Variants in POLR1B observed in about 807,000 individuals in gnomAD.
The protein encoded by POLR1B is RNA polymerase I subunit B.
Under a neutral mutation model 105.8 loss-of-function variants are expected in POLR1B, and 30 were observed. The ratio of observed to expected loss-of-function variants is 0.28; its 90% CI spans 0.21 to 0.38. POLR1B has a LOEUF of 0.38. Ranked by LOEUF, POLR1B falls within the 10% of genes least tolerant of loss-of-function variation. The probability of loss-of-function intolerance (pLI) is 1.00; values close to 1 mark genes in which losing one functional copy is unlikely to be tolerated. For missense variants in POLR1B, 976 were observed against 1,435.8 expected (o/e 0.68, Z 5.17); for synonymous variants, 485 against 505.1 (o/e 0.96, Z 0.53).
In POLR1B at chr2:112,549,125, A is replaced by G. The variant is rs1166149271; in HGVS notation, c.493-142A>G. The G allele has an allele frequency of 9.2e-6, 8 of 874,314 alleles. No homozygotes were observed. In the African/African-American group the frequency reaches 1.4e-4, roughly 15 times the overall value. The allele number at this position is 874,314 out of a possible 1,614,324, so 54.2% of individuals were successfully genotyped here. A position where few individuals can be genotyped will look rare whatever the true frequency, so the allele number is the denominator to read the frequency against. On this transcript the variant is annotated intron_variant, in intron 3 of 14. Transcript: ENST00000263331. ...ATTCACACAAAGACAGTGTCTGTGT[A>G]CTGTTTTCAAGGGATCAGTAGTACA...
rs763945906 is a variant in POLR1B at position 112,574,841 on chromosome 2, T to C, written c.2526-6T>C. 8 of 1,600,724 alleles carry C rather than the reference T, an allele frequency of 5.0e-6. No individual in the cohort carries two copies. Among genetic ancestry groups the C allele is most frequent in the Non-Finnish European group, 6.8e-6 (8 of 1,170,356 alleles). On this transcript the variant is annotated splice_polypyrimidine_tract_variant and splice_region_variant and intron_variant, in intron 14 of 14. Transcript: ENST00000263331. ...GGTTGACCTTATATGGTTTACTTTT[T>C]CCTAGGAGTAAAGAAAATTGTGTTG...
rs778027435 is a variant in POLR1B at position 112,573,532 on chromosome 2, C to T, written c.2272-30C>T. 6 of 1,590,056 alleles carry T rather than the reference C, an allele frequency of 3.8e-6. No individual in the cohort carries two copies. In the East Asian group the frequency reaches 6.7e-5, roughly 18 times the overall value. Reference sequence around the variant, plus strand: ...TATTTTGAAAATCCTCAATTGGCCTCAGTCTTTTAACGATTCTTTTACTTC... The same window carrying T: ...TATTTTGAAAATCCTCAATTGGCCTTAGTCTTTTAACGATTCTTTTACTTC... On this transcript the variant is annotated intron_variant, in intron 13 of 14. Coordinates refer to ENST00000263331, the MANE Select transcript of POLR1B (RefSeq NM_019014.6).
In POLR1B at chr2:112,574,319, G is replaced by A. The variant is rs77699625; in HGVS notation, c.2525+504G>A. ...AATAGGCTTTCATAATAATTTTTCA[G>A]TTGCTTTTGTTGCTAGTTTTCTTTC... is the stretch of plus-strand genomic sequence containing the variant. On this transcript the variant is annotated intron_variant, in intron 14 of 14. Transcript: ENST00000263331. Among the ~76,000 whole-genome samples, 382 of 152,174 alleles carry A rather than the reference G, an allele frequency of 2.5e-3. 2 individuals carry two copies. Among genetic ancestry groups the A allele is most frequent in the African/African-American group, 8.8e-3 (366 of 41,520 alleles).
upstream of POLR1B, chr2:112,542,080 T>G (rs1473160383): frequency 1.3e-6 from 2 of 1,533,114 alleles, no homozygotes; most frequent in Non-Finnish European, 8.7e-7. Flanking sequence ...AGCGTGGGAC[T>G]GGGAACAGGT....
intron 10 of POLR1B, among the ~76,000 whole-genome samples, chr2:112,565,411 T>C (rs1035564277): frequency 7.2e-5 from 11 of 152,166 alleles, no homozygotes; most frequent in Admixed American, 2.6e-4. Context: ...TCCATAAAGA[T>C]TTTAGTGTAC....
intron 14 of POLR1B, 21 bp from the exon 15 acceptor site, chr2:112,574,826 A>T (rs373387586): frequency 6.3e-7 from 1 of 1,585,500 alleles, no homozygotes; most frequent in East Asian, 2.2e-5. Flanking sequence ...GGTTGACCTT[A>T]TATGGTTTAC....
chr2:112,563,790 G>A (rs563240383), intron 9 of POLR1B, among the ~76,000 whole-genome samples: 238 of 152,222 alleles, frequency 1.6e-3, no homozygotes, highest in African/African-American at 5.1e-3. Context: ...TCAGCTACTC[G>A]GGAGGCTGAG....
At chr2:112,550,288 C>T (rs933913202) in intron 4 of POLR1B, among the ~76,000 whole-genome samples, 1 of 152,240 alleles carries the variant, frequency 6.6e-6, no homozygotes, top group Non-Finnish European at 1.5e-5. Flanking sequence ...TCTGTTGGAA[C>T]ATTCTCTTTG....
At chr2:112,557,328 A>G (rs1362465099) in intron 7 of POLR1B, among the ~76,000 whole-genome samples, 2 of 152,244 alleles carry the variant, frequency 1.3e-5, no homozygotes, top group African/African-American at 4.8e-5. Flanking sequence ...TTGGAATTGC[A>G]GGCTGCTTTA....
At chr2:112,559,852 G>A (rs1339528309) in intron 9 of POLR1B, among the ~76,000 whole-genome samples, 2 of 151,950 alleles carry the variant, frequency 1.3e-5, no homozygotes, top group Non-Finnish European at 2.9e-5. Context: ...GGATGGTCTC[G>A]ATCTCCTGAC....
chr2:112,546,892 A>T, intron 1 of POLR1B, 120 bp from the exon 2 acceptor site: 1 of 1,088,590 alleles, frequency 9.2e-7, no homozygotes, highest in Non-Finnish European at 1.3e-6. Context: ...TGTCCTTTTT[A>T]GGTGTGTCAT....
intron 4 of POLR1B, 100 bp downstream of exon 4, chr2:112,549,499 C>CTT (rs34591927): frequency 2.2e-3 from 1,243 of 578,042 alleles, no homozygotes; most frequent in Middle Eastern, 3.8e-3. Context: ...ATTTTTGTTT[C>CTT]TTTTTTTTTT....
At chr2:112,567,896 G>A in intron 10 of POLR1B, 71 bp from the exon 11 acceptor site, 2 of 1,315,192 alleles carry the variant, frequency 1.5e-6, no homozygotes, top group South Asian at 2.6e-5. Flanking sequence ...GTATTCCATG[G>A]GGCATAAGAC....
intron 1 of POLR1B, chr2:112,542,929 C>G: frequency 1.7e-6 from 1 of 580,984 alleles, no homozygotes; most frequent in Non-Finnish European, 3.1e-6. Context: ...TTTCGGGGTG[C>G]TGTGAGAGTG....
In POLR1B at chr2:112,576,714, G is replaced by A. The variant is rs1164589745; in HGVS notation, c.*985G>A. ...TAGTCCCTGCTATTTGAGAGGCTGA[G>A]GTGGGAGGATCATTTGAGTGCAGGA... On this transcript the variant is annotated 3_prime_UTR_variant, in exon 15 of 15. Transcript: ENST00000263331. 1.3e-5 allele frequency: 2 copies of A among 152,204 alleles called. No individual in the cohort carries two copies. Among genetic ancestry groups the A allele is most frequent in the East Asian group, 1.9e-4 (1 of 5,200 alleles). 9.4% of individuals were successfully genotyped at this position (152,204 alleles called of 1,614,324 possible).
intron 10 of POLR1B, among the ~76,000 whole-genome samples, chr2:112,565,918 G>C (rs1403260378): frequency 6.6e-6 from 1 of 152,122 alleles, no homozygotes. Context: ...AAGCCACCTA[G>C]ATGCTGCCAA....
In POLR1B at chr2:112,578,762, ATT is replaced by A. The variant is rs1474403520; in HGVS notation, c.*3038_*3039del. 6.6e-6 allele frequency among the ~76,000 whole-genome samples: 1 copy of A among 152,070 alleles called. No homozygotes were observed. On this transcript the variant is annotated 3_prime_UTR_variant, in exon 15 of 15. Coordinates refer to ENST00000263331, the MANE Select transcript of POLR1B (RefSeq NM_019014.6). ...TATATGTACTATATGTCCTCTATAT[ATT>A]TTTTCTATACATACATACCTTTGAT...
chr2:112,574,801 A>C, intron 14 of POLR1B, 46 bp from the exon 15 acceptor site: 1 of 1,496,122 alleles, frequency 6.7e-7, no homozygotes, highest in Non-Finnish European at 9.1e-7. Context: ...TTATCTCCAT[A>C]AGTTAAAACA....
rs2104495820 is a variant in POLR1B at position 112,542,665 on chromosome 2, G to C, written c.171G>C (p.Ala57=). The C allele has an allele frequency of 1.2e-6, 2 of 1,612,410 alleles. No individual in the cohort carries two copies. The highest frequency in any genetic ancestry group is 1.7e-5 in the Admixed American group (1 of 59,978). The part of the protein sequence containing the change: ...NYAVHEGLGL[A]VQAIPPFEFA... ...CTGTGCACGAGGGTCTCGGCCTCGC[G>C]GTGCAGGTGAGCGCGGCGTCCGCCG... The change falls in exon 1 of 15, where the codon GCG becomes GCC. Residue 57 remains alanine (A), a synonymous_variant. Coordinates refer to ENST00000263331, the MANE Select transcript of POLR1B (RefSeq NM_019014.6).
Sources: gnomAD v4.1 joint callset for allele counts (sites outside exome capture counted in the v4.1 genomes callset) on GRCh38, gnomAD v4.1.1 for gene constraint, MANE v1.5 for transcripts, NCBI Gene and HGNC (gene_info 2026-07-23, HGNC 2026-07-21) for gene names.